Variants in APBA2 observed in about 807,000 individuals in gnomAD.
The protein encoded by APBA2 is amyloid-beta A4 precursor protein-binding family A member 2.
A neutral mutation model predicts 75.0 loss-of-function variants in APBA2; 30 were observed. That is an observed-to-expected ratio of 0.40 (90% CI 0.30 to 0.54). APBA2 has a LOEUF of 0.54. Among genes scored for constraint, APBA2 ranks in the 20% least tolerant of loss-of-function variants. The probability of loss-of-function intolerance (pLI) is 0.49; values close to 1 mark genes in which losing one functional copy is unlikely to be tolerated. For synonymous variants in APBA2, 444 were observed against 409.6 expected (o/e 1.08, Z -1.01); for missense variants, 801 against 1,016.1 (o/e 0.79, Z 2.88).
chr15:28,969,529 G>C (rs2036952073), intron 2 of APBA2, among the ~76,000 whole-genome samples: 1 of 152,130 alleles, frequency 6.6e-6, no homozygotes, highest in Admixed American at 6.5e-5. Context: ...TTCTGTGTGG[G>C]CTCTCAGTGT....
At position 29,113,351 on chromosome 15, in the gene APBA2, C is replaced by G. The variant is rs549141797; in HGVS notation, c.2038-525C>G. On this transcript the variant is annotated intron_variant, in intron 13 of 14. Coordinates refer to ENST00000683413, the MANE Select transcript of APBA2 (RefSeq NM_001353788.2). ...CACAAAATGCCCTTACGTCACTTGG[C>G]GGGGGGGGGATGTAGGAATAAAGTG... Among the ~76,000 whole-genome samples the G allele has an allele frequency of 6.9e-3, 1,036 of 150,312 alleles. 8 individuals carry two copies. Among genetic ancestry groups the G allele is most frequent in the African/African-American group, 0.024 (999 of 40,860 alleles).
chr15:28,937,390 C>T (rs1338474954), intron 2 of APBA2, among the ~76,000 whole-genome samples: 2 of 152,202 alleles, frequency 1.3e-5, no homozygotes, highest in Non-Finnish European at 2.9e-5. Context: ...ACAGTTTTGC[C>T]GTGACTGAAT....
At chr15:28,995,557 G>C (rs1298396259) in intron 2 of APBA2, among the ~76,000 whole-genome samples, 196 bp from the exon 3 acceptor site, 1 of 152,160 alleles carries the variant, frequency 6.6e-6, no homozygotes, top group Non-Finnish European at 1.5e-5. Context: ...ATTATGCGAT[G>C]AATGGCTAAA....
At chr15:28,945,989 G>A (rs1207485821) in intron 2 of APBA2, among the ~76,000 whole-genome samples, 2 of 152,226 alleles carry the variant, frequency 1.3e-5, no homozygotes, top group African/African-American at 4.8e-5. Flanking sequence ...GGTGTGACGG[G>A]TTGAAGCAGT....
chr15:29,045,292 A>G (rs59662528), intron 3 of APBA2, among the ~76,000 whole-genome samples: 5,631 of 148,998 alleles, frequency 0.038, 365 homozygotes, highest in African/African-American at 0.13. Context: ...GGATTTCACA[A>G]TGTTGGCCAG....
intron 8 of APBA2, among the ~76,000 whole-genome samples, chr15:29,097,424 A>G (rs2043902460): frequency 6.6e-6 from 1 of 152,224 alleles, no homozygotes; most frequent in African/African-American, 2.4e-5. Flanking sequence ...ACACTTAGCT[A>G]GATGATGCGG....
chr15:29,015,474 C>T (rs1299184977), intron 3 of APBA2, among the ~76,000 whole-genome samples: 1 of 152,166 alleles, frequency 6.6e-6, no homozygotes, highest in Non-Finnish European at 1.5e-5. Context: ...TGCCTGCTGT[C>T]CCCCAGGAGC....
chr15:29,008,412 A>AT (rs566164211), intron 3 of APBA2, among the ~76,000 whole-genome samples: 13 of 151,722 alleles, frequency 8.6e-5, no homozygotes, highest in East Asian at 5.8e-4. Flanking sequence ...TTTTACCACA[A>AT]TTTTTTTTTC....
intron 2 of APBA2, among the ~76,000 whole-genome samples, chr15:28,940,504 G>A (rs1312047322): frequency 1.3e-5 from 2 of 148,758 alleles, no homozygotes; most frequent in Non-Finnish European, 3.0e-5. Flanking sequence ...AGTGAGCCGA[G>A]ATCACGCCAC....
chr15:29,073,880 T>C (rs746242263), intron 4 of APBA2, among the ~76,000 whole-genome samples: 2 of 152,204 alleles, frequency 1.3e-5, no homozygotes, highest in Admixed American at 6.5e-5. Context: ...TTAATTGAAG[T>C]AGAAGCAGTT....
At chr15:29,003,668 G>A (rs2038966848) in intron 3 of APBA2, among the ~76,000 whole-genome samples, 1 of 152,234 alleles carries the variant, frequency 6.6e-6, no homozygotes, top group Admixed American at 6.5e-5. Context: ...CTGCACACGT[G>A]GTTTTGGGAC....
intron 8 of APBA2, 79 bp from the exon 9 acceptor site, chr15:29,098,411 A>G: frequency 1.0e-6 from 1 of 966,900 alleles, no homozygotes; most frequent in Non-Finnish European, 1.7e-6. Context: ...GATGTTGAGC[A>G]TTTTGTCATA....
intron 4 of APBA2, among the ~76,000 whole-genome samples, chr15:29,060,711 A>G (rs1004868641): frequency 1.3e-5 from 2 of 152,202 alleles, no homozygotes; most frequent in African/African-American, 4.8e-5. Flanking sequence ...CAGGCCACAG[A>G]TCAAACAAGT....
rs529123609 is a variant in APBA2, at chr15:29,117,497, G to T, written c.*364G>T. On this transcript the variant is annotated 3_prime_UTR_variant, in exon 15 of 15. Coordinates refer to ENST00000683413, the MANE Select transcript of APBA2 (RefSeq NM_001353788.2). ...GCGAACTGGCGCCTCCGAGGGACGCGGCTCCCGGGGCAGGGCAGCCGTCAC... is the reference window on the plus strand; with the variant it reads ...GCGAACTGGCGCCTCCGAGGGACGCTGCTCCCGGGGCAGGGCAGCCGTCAC... 3.4e-6 allele frequency: 1 copy of T among 294,038 alleles called. No homozygotes were observed. The highest frequency in any genetic ancestry group is 3.6e-5 in the South Asian group (1 of 27,412). The allele number at this position is 294,038 out of a possible 1,614,324, so 18.2% of individuals were successfully genotyped here.
chr15:28,949,741 T>A (rs370178835), intron 2 of APBA2, among the ~76,000 whole-genome samples: 1 of 152,200 alleles, frequency 6.6e-6, no homozygotes, highest in East Asian at 1.9e-4. Context: ...AGTGCTGGGA[T>A]TTCAGGCGTG....
At chr15:29,077,706 C>G (rs893218009) in intron 6 of APBA2, among the ~76,000 whole-genome samples, 5 of 152,178 alleles carry the variant, frequency 3.3e-5, no homozygotes, top group Non-Finnish European at 7.3e-5. Context: ...TGTGGAAAAC[C>G]TGAATTTATA....
chr15:28,976,362 G>C (rs147730363), intron 2 of APBA2, among the ~76,000 whole-genome samples: 1 of 152,218 alleles, frequency 6.6e-6, no homozygotes, highest in African/African-American at 2.4e-5. Context: ...GGGAGTGACA[G>C]AACAGTGTTA....
chr15:28,928,167 G>C (rs2034378841), intron 2 of APBA2, among the ~76,000 whole-genome samples: 1 of 148,456 alleles, frequency 6.7e-6, no homozygotes, highest in African/African-American at 2.5e-5. Flanking sequence ...AAAGAAACAT[G>C]TTGTCCTTTT....
chr15:29,090,761 C>G (rs1198653218), intron 6 of APBA2, among the ~76,000 whole-genome samples: 2 of 152,152 alleles, frequency 1.3e-5, no homozygotes, highest in Non-Finnish European at 2.9e-5. Flanking sequence ...TGGGGCTTCA[C>G]TGGGGGGTGC....
Sources: allele counts gnomAD v4.1 joint callset (sites outside exome capture counted in the v4.1 genomes callset), GRCh38; gene constraint gnomAD v4.1.1; transcripts MANE v1.5; gene names NCBI Gene and HGNC (gene_info 2026-07-23, HGNC 2026-07-21).